Variants in RPRD1B observed in about 807,000 individuals in gnomAD.
The protein encoded by RPRD1B is regulation of nuclear pre-mRNA domain containing 1B.
RPRD1B carries 11 observed loss-of-function variants against 41.5 expected under a neutral mutation model. That is an observed-to-expected ratio of 0.27 (90% CI 0.17 to 0.44). The LOEUF is 0.44. Among genes scored for constraint, RPRD1B ranks in the 20% least tolerant of loss-of-function variants. The pLI, the probability that RPRD1B is intolerant of heterozygous loss-of-function variation, is 1.00. For synonymous variants in RPRD1B, 158 were observed against 155.6 expected (o/e 1.02, Z -0.12); for missense variants, 248 against 389.9 (o/e 0.64, Z 3.06).
chr20:38,069,915 T>C (rs781559287), intron 6 of RPRD1B, among the ~76,000 whole-genome samples: 3 of 152,236 alleles, frequency 2.0e-5, no homozygotes, highest in Non-Finnish European at 2.9e-5. Context: ...GTATACTCTT[T>C]GAGTGCTCTC....
At chr20:38,039,528 CTGAG>C (rs1173840675) in intron 1 of RPRD1B, among the ~76,000 whole-genome samples, 1 of 151,964 alleles carries the variant, frequency 6.6e-6, no homozygotes, top group Non-Finnish European at 1.5e-5. Flanking sequence ...CCTCAGCCTC[CTGAG>C]TAACTGGGAT....
intron 2 of RPRD1B, 64 bp from the exon 3 acceptor site, chr20:38,048,284 G>A (rs959594347): frequency 1.6e-5 from 23 of 1,475,866 alleles, no homozygotes; most frequent in Non-Finnish European, 2.1e-5. Flanking sequence ...TTTTAAGTAG[G>A]TCTGTCCTAA....
intron 6 of RPRD1B, among the ~76,000 whole-genome samples, chr20:38,080,070 TG>T (rs2074499432): frequency 1.3e-5 from 2 of 152,246 alleles, no homozygotes; most frequent in Admixed American, 6.5e-5. Flanking sequence ...TGGGGTTTTT[TG>T]TTACTTGCTT....
chr20:38,088,864 G>A (rs559503567), intron 6 of RPRD1B, among the ~76,000 whole-genome samples: 1 of 152,296 alleles, frequency 6.6e-6, no homozygotes, highest in East Asian at 1.9e-4. Flanking sequence ...GATTTTCCTA[G>A]AGAGGTGGAG....
intron 3 of RPRD1B, among the ~76,000 whole-genome samples, chr20:38,056,273 C>G (rs1600407286): frequency 6.6e-6 from 1 of 152,086 alleles, no homozygotes; most frequent in South Asian, 2.1e-4. Flanking sequence ...TGCCTGTAAT[C>G]CCAGCTACTC....
At chr20:38,052,752 GTTTTTTTT>G (rs146687415) in intron 3 of RPRD1B, among the ~76,000 whole-genome samples, 4 of 81,702 alleles carry the variant, frequency 4.9e-5, no homozygotes, top group South Asian at 1.1e-3. Context: ...CAAACGCGGT[GTTTTTTTT>G]TTTTTTTTTT....
At chr20:38,041,911 G>A (rs2074070002) in intron 2 of RPRD1B, among the ~76,000 whole-genome samples, 1 of 152,178 alleles carries the variant, frequency 6.6e-6, no homozygotes, top group South Asian at 2.1e-4. Context: ...ACCTAGTAAA[G>A]TGTCTGGCAC....
chr20:38,087,004 T>A (rs916696177), intron 6 of RPRD1B, among the ~76,000 whole-genome samples: 2 of 152,130 alleles, frequency 1.3e-5, no homozygotes, highest in African/African-American at 4.8e-5. Flanking sequence ...TTGCCCAGGC[T>A]GGAGTGCAGT....
intron 6 of RPRD1B, among the ~76,000 whole-genome samples, chr20:38,069,278 C>A (rs1194882889): frequency 6.6e-6 from 1 of 152,102 alleles, no homozygotes; most frequent in Non-Finnish European, 1.5e-5. Flanking sequence ...TGTTTCTTCC[C>A]TCGAGGAAAT....
intron 3 of RPRD1B, among the ~76,000 whole-genome samples, chr20:38,056,257 G>A (rs2074239717): frequency 6.6e-6 from 1 of 152,074 alleles, no homozygotes; most frequent in Non-Finnish European, 1.5e-5. Flanking sequence ...CAGGCATGGG[G>A]GCAAATGCCT....
intron 6 of RPRD1B, among the ~76,000 whole-genome samples, chr20:38,082,636 C>T (rs530522631): frequency 2.6e-5 from 4 of 152,286 alleles, no homozygotes; most frequent in African/African-American, 4.8e-5. Context: ...ATCCGCCTGC[C>T]TTGGCCTCCC....
chr20:38,090,691 A>G lies in RPRD1B; in HGVS notation c.*816A>G. On this transcript the variant is annotated 3_prime_UTR_variant, in exon 7 of 7. Coordinates refer to ENST00000373433, the MANE Select transcript of RPRD1B (RefSeq NM_021215.4). ...GTGGGTGCGAAGGCAGTTGTTAGGG[A>G]TGGCAGGCATTGGTGGGCTCCAAAA... 1.0e-6 allele frequency: 1 copy of G among 985,504 alleles called. No individual in the cohort carries two copies. The highest frequency in any genetic ancestry group is 4.7e-5 in the South Asian group (1 of 21,292). The allele number at this position is 985,504 out of a possible 1,614,324, so 61.0% of individuals were successfully genotyped here.
At chr20:38,042,554 A>G (rs1316059703) in intron 2 of RPRD1B, among the ~76,000 whole-genome samples, 1 of 151,400 alleles carries the variant, frequency 6.6e-6, no homozygotes, top group Non-Finnish European at 1.5e-5. Context: ...GTCCTTCTCA[A>G]TAAAATAGCC....
chr20:38,053,198 A>G (rs929241551), intron 3 of RPRD1B, among the ~76,000 whole-genome samples: 5 of 152,190 alleles, frequency 3.3e-5, no homozygotes, highest in Non-Finnish European at 5.9e-5. Context: ...AGATGTAGAA[A>G]TGGAACTGAC....
chr20:38,067,901 G>A (rs1306481949), intron 6 of RPRD1B, among the ~76,000 whole-genome samples: 1 of 152,236 alleles, frequency 6.6e-6, no homozygotes, highest in Non-Finnish European at 1.5e-5. Context: ...GACACATTAA[G>A]GGCTTTCTCT....
chr20:38,051,655 ATTGGTAGGAATT>A (rs558096821), intron 3 of RPRD1B, among the ~76,000 whole-genome samples: 115 of 152,304 alleles, frequency 7.6e-4, no homozygotes, highest in African/African-American at 1.9e-3. Flanking sequence ...CGGTTTCAAT[ATTGGTAGGAATT>A]TTGGTAGGAA....
chr20:38,091,334 C>G lies in RPRD1B; in HGVS notation c.*1459C>G, dbSNP rs2074610219. On this transcript the variant is annotated 3_prime_UTR_variant, in exon 7 of 7. Transcript: ENST00000373433. ...CATGTTAAACACATTGAAACATAAC[C>G]TATGTTTATAAAGCATAACGGGCTT... 2 of 953,948 alleles carry G rather than the reference C, an allele frequency of 2.1e-6. No individual in the cohort carries two copies. Among genetic ancestry groups the G allele is most frequent in the Non-Finnish European group, 2.5e-6 (2 of 801,840 alleles). The allele number at this position is 953,948 out of a possible 1,614,324, so 59.1% of individuals were successfully genotyped here. A position where few individuals can be genotyped will look rare whatever the true frequency, so the allele number is the denominator to read the frequency against.
chr20:38,088,973 T>G (rs187792646), intron 6 of RPRD1B, among the ~76,000 whole-genome samples: 15 of 152,124 alleles, frequency 9.9e-5, no homozygotes, highest in African/African-American at 3.4e-4. Context: ...CCTGAAAAAA[T>G]GGTCCACACA....
intron 3 of RPRD1B, among the ~76,000 whole-genome samples, chr20:38,051,834 C>A (rs2074187916): frequency 6.6e-6 from 1 of 151,998 alleles, no homozygotes; most frequent in African/African-American, 2.4e-5. Context: ...TCACCGCAAC[C>A]TCTGCCTCCC....
Sources: gnomAD v4.1 joint callset for allele counts (sites outside exome capture counted in the v4.1 genomes callset) on GRCh38, gnomAD v4.1.1 for gene constraint, MANE v1.5 for transcripts, NCBI Gene and HGNC (gene_info 2026-07-23, HGNC 2026-07-21) for gene names.